Variants in ADCY5 observed in about 807,000 individuals in gnomAD.
The protein encoded by ADCY5 is adenylate cyclase type 5.
Under a neutral mutation model 119.7 loss-of-function variants are expected in ADCY5, and 30 were observed. The observed-to-expected ratio is 0.25, with a 90% CI of 0.19 to 0.34. The LOEUF (loss-of-function observed/expected upper bound fraction) is 0.34. ADCY5 is among the 10% of genes least tolerant of loss of function. The pLI is 1.00. For missense variants in ADCY5, 1,324 were observed against 1,775.2 expected (o/e 0.75, Z 4.57); for synonymous variants, 753 against 762.2 (o/e 0.99, Z 0.20).
rs564930293 is a variant in ADCY5, at chr3:123,378,529, G to C, written c.1135-25948C>G. On this transcript the variant is annotated intron_variant, in intron 1 of 20. Transcript: ENST00000462833. ...GAAGGGAGAGGGACAGACGGAGGGAGGCGATGACTGAGCTCCCACCTTAGT... is the reference window on the plus strand; with the variant it reads ...GAAGGGAGAGGGACAGACGGAGGGACGCGATGACTGAGCTCCCACCTTAGT... 9.8e-5 allele frequency among the ~76,000 whole-genome samples: 15 copies of C among 152,334 alleles called. 1 individual carries two copies. The South Asian group carries it at 3.1e-3, about 32-fold the overall frequency.
intron 1 of ADCY5, among the ~76,000 whole-genome samples, chr3:123,388,085 G>C (rs1414510075): frequency 6.6e-6 from 1 of 152,112 alleles, no homozygotes; most frequent in Non-Finnish European, 1.5e-5. Context: ...GGAAGATGGG[G>C]GGAAGCCAGT....
intron 3 of ADCY5, among the ~76,000 whole-genome samples, chr3:123,338,207 A>C (rs1942111883): frequency 6.6e-6 from 1 of 152,174 alleles, no homozygotes; most frequent in Non-Finnish European, 1.5e-5. Flanking sequence ...GGGGCAGGTC[A>C]CCACCCACCA....
chr3:123,381,993 G>C (rs572275818), intron 1 of ADCY5, among the ~76,000 whole-genome samples: 2 of 152,134 alleles, frequency 1.3e-5, no homozygotes, highest in African/African-American at 4.8e-5. Flanking sequence ...GGCCCTTCGC[G>C]GTCTACCTCC....
chr3:123,293,543 A>G (rs1236155051), intron 17 of ADCY5, among the ~76,000 whole-genome samples: 7 of 151,330 alleles, frequency 4.6e-5, no homozygotes, highest in Non-Finnish European at 8.8e-5. Context: ...GCACATGCAC[A>G]CACACACTCT....
At chr3:123,357,323 C>G (rs1351069149) in intron 1 of ADCY5, among the ~76,000 whole-genome samples, 1 of 151,954 alleles carries the variant, frequency 6.6e-6, no homozygotes, top group Non-Finnish European at 1.5e-5. Context: ...AAAGAGTGGC[C>G]TTCCCTCTTT....
In ADCY5 at chr3:123,352,941, G is replaced by T. The variant is rs145841968; in HGVS notation, c.1135-360C>A. 2.8e-4 allele frequency among the ~76,000 whole-genome samples: 43 copies of T among 152,286 alleles called. No homozygotes were observed. The highest frequency in any genetic ancestry group is 5.3e-4 in the Non-Finnish European group (36 of 68,024). On this transcript the variant is annotated intron_variant, in intron 1 of 20. Transcript: ENST00000462833. This position sits in a 1 kb window ranked among gnomAD's most constrained non-coding sequence, Gnocchi z 4.8. Reference sequence around the variant, plus strand: ...GCCACTGCAAGGAAGGTGCCACAAGGGTGCTGGGATTTCACTTTTGAAAGT... The same window carrying T: ...GCCACTGCAAGGAAGGTGCCACAAGTGTGCTGGGATTTCACTTTTGAAAGT...
In ADCY5 at chr3:123,327,600, G is replaced by C. The variant is rs766315433; in HGVS notation, c.1947+18C>G. 2 of 1,608,734 alleles carry C rather than the reference G, an allele frequency of 1.2e-6. No homozygotes were observed. The highest frequency in any genetic ancestry group is 1.3e-5 in the African/African-American group (1 of 74,920). On this transcript the variant is annotated intron_variant, in intron 7 of 20. Coordinates refer to ENST00000462833, the MANE Select transcript of ADCY5 (RefSeq NM_183357.3). The stretch of plus-strand genomic sequence containing the variant: ...GAGGAAGGGAGCCCCTCAGCCCCCC[G>C]GCCCCCAGCCCACAGACCCGCTTCT...
At chr3:123,364,127 G>A (rs1273772935) in intron 1 of ADCY5, among the ~76,000 whole-genome samples, 2 of 152,156 alleles carry the variant, frequency 1.3e-5, no homozygotes, top group East Asian at 1.9e-4. Context: ...TCTCTAGGTG[G>A]TGGGATGATA....
intron 3 of ADCY5, among the ~76,000 whole-genome samples, chr3:123,344,830 G>C (rs1029931029): frequency 4.6e-5 from 7 of 152,156 alleles, no homozygotes; most frequent in African/African-American, 1.4e-4. Context: ...AGAGGCCCCA[G>C]AGGGACATTT....
chr3:123,443,559 C>T (rs539071312), intron 1 of ADCY5, among the ~76,000 whole-genome samples: 1 of 152,286 alleles, frequency 6.6e-6, no homozygotes, highest in Admixed American at 6.5e-5. Flanking sequence ...CTCCTCGCTA[C>T]AGACACACGT....
At chr3:123,317,506 G>A (rs143834030) in intron 11 of ADCY5, among the ~76,000 whole-genome samples, 6,396 of 151,982 alleles carry the variant, frequency 0.042, 441 homozygotes, top group African/African-American at 0.15. Context: ...AGGCCAAGGC[G>A]GGTGGATTGC....
rs1449523956 is a variant in ADCY5 at position 123,328,676 on chromosome 3, T to C, written c.1773A>G (p.Leu591=). Residue 591 remains leucine, a synonymous_variant, in exon 6 of 21, where the codon CTA becomes CTG. Transcript: ENST00000462833. ...QFDVWSNDVT[L]ANHMEAGGKA... ...TGCCGCCAGCCTCCATGTGGTTGGC[T>C]AGCGTGACATCGTTAGACCAGACGT... 7.4e-6 allele frequency: 12 copies of C among 1,614,052 alleles called. No individual in the cohort carries two copies. The Middle Eastern group carries it at 4.9e-4, about 66-fold the overall frequency.
intron 1 of ADCY5, among the ~76,000 whole-genome samples, chr3:123,426,299 G>GTTTTTTTTTTTTTT (rs750760543): frequency 1.0e-5 from 1 of 97,940 alleles, no homozygotes; most frequent in Non-Finnish European, 2.3e-5. Context: ...TTTCTTTTGT[G>GTTTTTTTTTTTTTT]TTTTTTTTTT....
intron 1 of ADCY5, chr3:123,416,329 C>T: frequency 6.5e-7 from 1 of 1,534,546 alleles, no homozygotes; most frequent in Non-Finnish European, 8.7e-7. Context: ...ACCTCCTTCC[C>T]TAGGACATTT....
At chr3:123,386,440 G>T (rs1576651613) in intron 1 of ADCY5, among the ~76,000 whole-genome samples, 1 of 152,326 alleles carries the variant, frequency 6.6e-6, no homozygotes, top group African/African-American at 2.4e-5. Context: ...GTGCTCTCTG[G>T]AAGGAACTGG....
Position 123,354,474 on chromosome 3 carries a change from T to C in ADCY5, c.1135-1893A>G, listed in dbSNP as rs186854451. Among the ~76,000 whole-genome samples, 3 of 152,146 alleles carry C rather than the reference T, an allele frequency of 2.0e-5. No homozygotes were observed. The East Asian group carries it at 5.8e-4, about 29-fold the overall frequency. ...GGAAGAAATAGACCATGGCCTGAAG[T>C]AGTAACCAATGCTGTGATTATGAAG... On this transcript the variant is annotated intron_variant, in intron 1 of 20. Transcript: ENST00000462833.
chr3:123,440,224 C>G (rs1189562765), intron 1 of ADCY5, among the ~76,000 whole-genome samples: 1 of 152,174 alleles, frequency 6.6e-6, no homozygotes, highest in Non-Finnish European at 1.5e-5. Context: ...CTCCAAAAGA[C>G]AAGGTGGGAC....
chr3:123,339,457 C>G (rs1942175497), intron 3 of ADCY5, among the ~76,000 whole-genome samples: 2 of 152,178 alleles, frequency 1.3e-5, no homozygotes. Context: ...CAGCCACAGG[C>G]CCATCCAGGG....
At chr3:123,398,169 C>G (rs1028461357) in intron 1 of ADCY5, among the ~76,000 whole-genome samples, 6 of 152,176 alleles carry the variant, frequency 3.9e-5, no homozygotes, top group African/African-American at 1.4e-4. Context: ...AACCAGCTCT[C>G]CCAGTACCTG....
Sources: gnomAD v4.1 joint callset for allele counts (sites outside exome capture counted in the v4.1 genomes callset) on GRCh38, gnomAD v4.1.1 for gene constraint, Gnocchi (gnomAD v3.1) non-coding constraint, MANE v1.5 for transcripts, NCBI Gene and HGNC (gene_info 2026-07-23, HGNC 2026-07-21) for gene names.